The following AKAP19 variants were observed in gnomAD, a reference collection of about 807,000 sequenced individuals.
The protein encoded by AKAP19 is A-kinase anchoring protein 19.
the AKAP19 span, chr2:189,930,948 G>A: frequency 4.3e-5 from 33 of 772,998 alleles, no homozygotes; most frequent in South Asian, 4.8e-4. Flanking sequence ...TAGCCCAGTC[G>A]GACTGAGACT....
the AKAP19 span, among the ~76,000 whole-genome samples, chr2:189,991,122 A>G: frequency 1.3e-5 from 2 of 152,118 alleles, no homozygotes; most frequent in East Asian, 3.8e-4. Flanking sequence ...CTGGTTTTAT[A>G]TTTTTGCAAT....
chr2:190,032,590 G>A, the AKAP19 span, among the ~76,000 whole-genome samples: 4 of 152,188 alleles, frequency 2.6e-5, no homozygotes, highest in East Asian at 7.7e-4. Flanking sequence ...TTTAAAATAG[G>A]TTCAAGTGTG....
chr2:190,199,862 T>C, the AKAP19 span: 3 of 1,613,162 alleles, frequency 1.9e-6, no homozygotes, highest in Non-Finnish European at 1.7e-6. Flanking sequence ...CTTCATAACA[T>C]GGGCTGCATG....
At chr2:189,916,980 T>C in the AKAP19 span, among the ~76,000 whole-genome samples, 1 of 152,180 alleles carries the variant, frequency 6.6e-6, no homozygotes, top group Non-Finnish European at 1.5e-5. Context: ...TATGAGCTTT[T>C]AATTTTTTCA....
chr2:189,967,649 G>C, the AKAP19 span, among the ~76,000 whole-genome samples: 1 of 151,878 alleles, frequency 6.6e-6, no homozygotes. Context: ...TAAAAGATTT[G>C]AGATGCAAAA....
the AKAP19 span, among the ~76,000 whole-genome samples, chr2:190,040,666 A>C: frequency 3.3e-5 from 5 of 152,176 alleles, no homozygotes; most frequent in African/African-American, 7.2e-5. Context: ...TTTTACATTT[A>C]AGTCTTTAAT....
chr2:190,093,315 C>A, the AKAP19 span, among the ~76,000 whole-genome samples: 1 of 151,904 alleles, frequency 6.6e-6, no homozygotes, highest in Non-Finnish European at 1.5e-5. Flanking sequence ...CGCCTGTAAT[C>A]CCAGCTACTT....
chr2:189,908,181 G>A, the AKAP19 span, among the ~76,000 whole-genome samples: 1 of 145,932 alleles, frequency 6.9e-6, no homozygotes, highest in African/African-American at 2.5e-5. Context: ...TCTTCATGTA[G>A]ATGTTTATTA....
the AKAP19 span, among the ~76,000 whole-genome samples, chr2:190,059,206 C>A: frequency 6.6e-6 from 1 of 151,534 alleles, no homozygotes; most frequent in Non-Finnish European, 1.5e-5. Flanking sequence ...AATAGATGAA[C>A]GTAAAAAGAT....
chr2:190,035,493 A>C, the AKAP19 span, among the ~76,000 whole-genome samples: 1 of 151,932 alleles, frequency 6.6e-6, no homozygotes, highest in African/African-American at 2.4e-5. Context: ...ACTGTCCCTC[A>C]TGCCACTTTG....
At chr2:190,092,921 A>G in the AKAP19 span, among the ~76,000 whole-genome samples, 1 of 152,322 alleles carries the variant, frequency 6.6e-6, no homozygotes, top group Non-Finnish European at 1.5e-5. Flanking sequence ...TTTTACTTAC[A>G]GCGAGTCGAT....
chr2:189,991,228 G>T, the AKAP19 span, among the ~76,000 whole-genome samples: 13 of 152,226 alleles, frequency 8.5e-5, no homozygotes, highest in East Asian at 1.9e-3. Flanking sequence ...GGAATTGCTG[G>T]ATCAAATGGT....
the AKAP19 span, among the ~76,000 whole-genome samples, chr2:190,009,168 G>A: frequency 6.6e-6 from 1 of 152,094 alleles, no homozygotes; most frequent in African/African-American, 2.4e-5. Flanking sequence ...TGTCGGGAGG[G>A]GACCAGAACA....
At chr2:189,970,577 T>C in the AKAP19 span, among the ~76,000 whole-genome samples, 1 of 152,224 alleles carries the variant, frequency 6.6e-6, no homozygotes, top group Admixed American at 6.5e-5. Flanking sequence ...CATTCATTTT[T>C]ACTACTGAGT....
At chr2:190,109,363 TTC>T in the AKAP19 span, among the ~76,000 whole-genome samples, 1 of 152,154 alleles carries the variant, frequency 6.6e-6, no homozygotes, top group African/African-American at 2.4e-5. Context: ...GCTTTTTTTT[TTC>T]TGACAGTGTC....
At chr2:189,916,162 C>T in the AKAP19 span, among the ~76,000 whole-genome samples, 61 of 152,014 alleles carry the variant, frequency 4.0e-4, no homozygotes, top group Non-Finnish European at 7.6e-4. Context: ...AGAGATCTTA[C>T]GTACTTTTCA....
chr2:189,887,815 T>C, the AKAP19 span, among the ~76,000 whole-genome samples: 4 of 151,914 alleles, frequency 2.6e-5, no homozygotes, highest in Non-Finnish European at 5.9e-5. Flanking sequence ...TGATGGTTTT[T>C]TTTTCTTGTA....
the AKAP19 span, among the ~76,000 whole-genome samples, chr2:190,078,403 G>A: frequency 6.6e-6 from 1 of 152,054 alleles, no homozygotes; most frequent in East Asian, 1.9e-4. Flanking sequence ...TGAAATAGAA[G>A]TCCCCTTAGA....
At chr2:190,047,438 C>A in the AKAP19 span, among the ~76,000 whole-genome samples, 3 of 152,328 alleles carry the variant, frequency 2.0e-5, no homozygotes, top group African/African-American at 7.2e-5. Flanking sequence ...TCTCCCGCAG[C>A]ACCTTGTGTA....
Sources: allele counts gnomAD v4.1 joint callset (sites outside exome capture counted in the v4.1 genomes callset), GRCh38; gene constraint gnomAD v4.1.1; transcripts MANE v1.5; gene names NCBI Gene and HGNC (gene_info 2026-07-23, HGNC 2026-07-21).